Variants in TRABD2B observed in about 807,000 individuals in gnomAD.
TRABD2B encodes metalloprotease TIKI2.
In TRABD2B, 14 loss-of-function variants were observed where a neutral mutation model predicts 40.1. The ratio of observed to expected loss-of-function variants is 0.35; its 90% CI spans 0.23 to 0.55. The LOEUF (loss-of-function observed/expected upper bound fraction) is 0.55. TRABD2B is among the 20% of genes least tolerant of loss of function. TRABD2B has a pLI of 0.90. For synonymous variants in TRABD2B, 263 were observed against 277.0 expected (o/e 0.95, Z 0.50); for missense variants, 541 against 648.6 (o/e 0.83, Z 1.80).
intron 2 of TRABD2B, 50 bp from the exon 3 acceptor site, chr1:47,801,669 C>A (rs1343287680): frequency 6.6e-7 from 1 of 1,524,846 alleles, no homozygotes; most frequent in African/African-American, 1.4e-5. Flanking sequence ...GGGACCCTGG[C>A]TGAGCTCTAG....
chr1:47,771,075 G>T (rs10890499), intron 6 of TRABD2B, among the ~76,000 whole-genome samples: 97,520 of 152,110 alleles, frequency 0.64, 31,820 homozygotes, highest in East Asian at 0.98. Context: ...CTTCTACCTC[G>T]AATCTGATGG....
intron 5 of TRABD2B, among the ~76,000 whole-genome samples, chr1:47,777,805 A>T (rs1387242777): frequency 6.6e-6 from 1 of 152,106 alleles, no homozygotes; most frequent in Admixed American, 6.5e-5. Context: ...GCTCTCGCTG[A>T]CACCTCTCAT....
At chr1:47,846,857 TACACACACAC>T (rs67359073) in intron 2 of TRABD2B, among the ~76,000 whole-genome samples, 54 of 106,504 alleles carry the variant, frequency 5.1e-4, no homozygotes, top group African/African-American at 1.4e-3. Flanking sequence ...AAAACATGCA[TACACACACAC>T]ACACACACAC....
chr1:47,797,521 G>A (rs1189089853), intron 3 of TRABD2B, among the ~76,000 whole-genome samples: 1 of 152,158 alleles, frequency 6.6e-6, no homozygotes, highest in African/African-American at 2.4e-5. Flanking sequence ...AAATGTGCAT[G>A]TACACAAAGA....
At chr1:47,898,407 G>A (rs1644553986) in intron 2 of TRABD2B, among the ~76,000 whole-genome samples, 1 of 152,166 alleles carries the variant, frequency 6.6e-6, no homozygotes, top group African/African-American at 2.4e-5. Flanking sequence ...ACTGACCTCA[G>A]GATGGCAGAA....
intron 2 of TRABD2B, among the ~76,000 whole-genome samples, chr1:47,970,537 C>A (rs1645666080): frequency 6.6e-6 from 1 of 152,358 alleles, no homozygotes; most frequent in Non-Finnish European, 1.5e-5. Flanking sequence ...AATTTACGGT[C>A]CTGCCCTTGC....
At chr1:47,766,212 A>G in intron 6 of TRABD2B, 106 bp from the exon 7 acceptor site, 1 of 648,668 alleles carries the variant, frequency 1.5e-6, no homozygotes, top group Admixed American at 2.3e-5. Flanking sequence ...GCCTAATACA[A>G]TGGAGAAGGG....
chr1:47,840,312 C>T (rs184133043), intron 2 of TRABD2B, among the ~76,000 whole-genome samples: 15 of 152,322 alleles, frequency 9.8e-5, no homozygotes, highest in African/African-American at 3.1e-4. Context: ...CCCAGAGGTA[C>T]GTATCATCCT....
intron 2 of TRABD2B, among the ~76,000 whole-genome samples, chr1:47,910,933 G>A (rs1051470591): frequency 2.0e-5 from 3 of 152,150 alleles, no homozygotes; most frequent in African/African-American, 7.2e-5. Context: ...CAGGACCGAC[G>A]GGTCTAATTC....
intron 2 of TRABD2B, among the ~76,000 whole-genome samples, chr1:47,864,139 G>A (rs190209936): frequency 1.4e-4 from 22 of 152,184 alleles, no homozygotes; most frequent in African/African-American, 5.3e-4. Flanking sequence ...AATTTTTAGG[G>A]CAATGAAATA....
intron 2 of TRABD2B, among the ~76,000 whole-genome samples, chr1:47,833,965 A>ATT (rs1385529512): frequency 6.6e-6 from 1 of 152,242 alleles, no homozygotes; most frequent in Non-Finnish European, 1.5e-5. Flanking sequence ...GCTTTGTGGC[A>ATT]TTTTAACTTG....
intron 2 of TRABD2B, among the ~76,000 whole-genome samples, chr1:47,902,925 A>C (rs1453323296): frequency 6.6e-6 from 1 of 152,216 alleles, no homozygotes; most frequent in Admixed American, 6.5e-5. Flanking sequence ...ATTTGACAGC[A>C]CAGGTCTAGT....
At chr1:47,773,253 G>C (rs942523439) in intron 6 of TRABD2B, among the ~76,000 whole-genome samples, 1 of 152,222 alleles carries the variant, frequency 6.6e-6, no homozygotes, top group Non-Finnish European at 1.5e-5. Flanking sequence ...CTGGCAGCTT[G>C]CAAACCCTCC....
chr1:47,818,653 G>GGGGTGGCTGGCCAGGC (rs1553154412), intron 2 of TRABD2B: 7 of 152,274 alleles, frequency 4.6e-5, no homozygotes, highest in African/African-American at 1.7e-4. Context: ...GGAACCAGAA[G>GGGGTGGCTGGCCAGGC]GGGTGGCTGG....
intron 2 of TRABD2B, among the ~76,000 whole-genome samples, chr1:47,952,785 GC>G (rs2148386940): frequency 6.6e-6 from 1 of 152,262 alleles, no homozygotes; most frequent in South Asian, 2.1e-4. Context: ...CACCAAATGA[GC>G]AAAATGAACT....
At chr1:47,833,436 GGTTGA>G (rs973145306) in intron 2 of TRABD2B, among the ~76,000 whole-genome samples, 16 of 152,356 alleles carry the variant, frequency 1.1e-4, no homozygotes, top group Non-Finnish European at 2.1e-4. Flanking sequence ...AGTAGCATTT[GGTTGA>G]GTTAAGATAA....
chr1:47,866,341 T>C lies in TRABD2B; in HGVS notation c.667-64722A>G, dbSNP rs1225686059. On this transcript the variant is annotated intron_variant, in intron 2 of 6. Coordinates refer to ENST00000606738, the MANE Select transcript of TRABD2B (RefSeq NM_001194986.2). The stretch of plus-strand genomic sequence containing the variant: ...CAGTCAAGAGCAAAAAGCAAATTTC[T>C]GTATTAAAAGGGAGCCTTTAATTCC... 2.0e-5 allele frequency among the ~76,000 whole-genome samples: 3 copies of C among 152,154 alleles called. No individual in the cohort carries two copies. In the South Asian group the frequency reaches 6.2e-4, roughly 31 times the overall value.
chr1:47,862,724 A>G (rs1021760001), intron 2 of TRABD2B, among the ~76,000 whole-genome samples: 2 of 152,178 alleles, frequency 1.3e-5, no homozygotes, highest in Non-Finnish European at 2.9e-5. Flanking sequence ...TGTGTCTATC[A>G]ACAAACTGAT....
intron 2 of TRABD2B, among the ~76,000 whole-genome samples, chr1:47,907,071 AG>A (rs1179882492): frequency 6.6e-6 from 1 of 152,176 alleles, no homozygotes; most frequent in African/African-American, 2.4e-5. Flanking sequence ...TGGGGAGGGA[AG>A]GAAGTGGGGA....
Sources: allele counts gnomAD v4.1 joint callset (sites outside exome capture counted in the v4.1 genomes callset), GRCh38; gene constraint gnomAD v4.1.1; transcripts MANE v1.5; gene names NCBI Gene and HGNC (gene_info 2026-07-23, HGNC 2026-07-21).